Variants in DDX42 observed in about 807,000 individuals in gnomAD.
DDX42 encodes the protein DEAD-box helicase 42.
Under a neutral mutation model 101.5 loss-of-function variants are expected in DDX42, and 22 were observed. The observed-to-expected ratio is 0.22, with a 90% CI of 0.15 to 0.31. The LOEUF is 0.31. DDX42 is among the 10% of genes least tolerant of loss of function. DDX42 has a pLI of 1.00. For synonymous variants in DDX42, 402 were observed against 401.2 expected (o/e 1.00, Z -0.02); for missense variants, 849 against 1,199.9 (o/e 0.71, Z 4.32).
rs757385453 is a variant in DDX42, at chr17:63,818,229, G to A, written c.2648G>A (p.Gly883Glu). Reference sequence around the variant, plus strand: ...CGGGGTGCAAATGATGGTCGGAATGGGGAAAGCAGGAAAGAAGCTTTTAAT... The same window carrying A: ...CGGGGTGCAAATGATGGTCGGAATGAGGAAAGCAGGAAAGAAGCTTTTAAT... ...ENRGANDGRN[G>E]ESRKEAFNRE... Residue 883 changes from glycine (G) to glutamate (E), a missense_variant, in exon 18 of 18, where the codon GGG (glycine) becomes GAG (glutamate). By Grantham distance (98) the Gly-to-Glu change is moderately conservative (BLOSUM62 -2). Transcript: ENST00000389924. The A allele has an allele frequency of 1.9e-6, 3 of 1,614,050 alleles. No individual in the cohort carries two copies. The highest frequency in any genetic ancestry group is 2.2e-5 in the South Asian group (2 of 91,072).
chr17:63,777,054 G>A (rs1012195009), intron 1 of DDX42, among the ~76,000 whole-genome samples: 1 of 152,044 alleles, frequency 6.6e-6, no homozygotes, highest in African/African-American at 2.4e-5. Context: ...CTACAGGCGT[G>A]TGCCACCATG....
chr17:63,781,177 G>A (rs11079511), intron 1 of DDX42, among the ~76,000 whole-genome samples: 2 of 151,830 alleles, frequency 1.3e-5, no homozygotes, highest in African/African-American at 4.8e-5. Context: ...TGCTTTCACT[G>A]ATGACTCCTG....
At chr17:63,801,416 G>A (rs948778545) in intron 6 of DDX42, among the ~76,000 whole-genome samples, 2 of 152,038 alleles carry the variant, frequency 1.3e-5, no homozygotes, top group African/African-American at 4.8e-5. Context: ...TGTTGTTGTT[G>A]CTATATTGCC....
chr17:63,775,105 C>T (rs1444867324), intron 1 of DDX42: 3 of 152,632 alleles, frequency 2.0e-5, no homozygotes, highest in African/African-American at 4.8e-5. Context: ...TATACACACC[C>T]AGGACTTCCT....
At chr17:63,787,922 T>TTTTGAG (rs141481953) in intron 2 of DDX42, among the ~76,000 whole-genome samples, 1 of 144,068 alleles carries the variant, frequency 6.9e-6, no homozygotes, top group Admixed American at 6.9e-5. Flanking sequence ...TTTTTTTTTT[T>TTTTGAG]GGAGGCAGAG....
rs771010405 is a variant in DDX42, at chr17:63,813,287, A to G, written c.1735A>G (p.Ile579Val). ...TVINYDVARD[I>V]DTHTHRIGRT... ...CATTAACTATGATGTGGCACGAGAC[A>G]TTGATACCCACACGCATAGGATTGG... is the stretch of plus-strand genomic sequence containing the variant. The change falls in exon 15 of 18, where the codon ATT becomes GTT. Residue 579 changes from isoleucine (I) to valine (V), a missense_variant. Coordinates refer to ENST00000389924, the MANE Select transcript of DDX42 (RefSeq NM_203499.3). 1.2e-6 allele frequency: 2 copies of G among 1,614,086 alleles called. No individual in the cohort carries two copies. The highest frequency in any genetic ancestry group is 2.2e-5 in the East Asian group (1 of 44,880).
At chr17:63,792,217 TG>T (rs1567734296) in intron 2 of DDX42, among the ~76,000 whole-genome samples, 194 bp from the exon 3 acceptor site, 1 of 152,162 alleles carries the variant, frequency 6.6e-6, no homozygotes, top group Non-Finnish European at 1.5e-5. Context: ...ATTACTTTTT[TG>T]TAATATTGAA....
At chr17:63,810,251 A>ATTT (rs11450730) in intron 11 of DDX42, 1,298 of 120,922 alleles carry the variant, frequency 0.011, 15 homozygotes, top group South Asian at 0.032. Context: ...CAGCCTGGCT[A>ATTT]TTTTTTTTTT....
chr17:63,814,675 CTTTTT>C (rs58211962), intron 15 of DDX42, among the ~76,000 whole-genome samples: 2 of 90,456 alleles, frequency 2.2e-5, no homozygotes, highest in Non-Finnish European at 4.0e-5. Flanking sequence ...GAGACATTTG[CTTTTT>C]TTTTTTTTTT....
intron 6 of DDX42, 98 bp from the exon 7 acceptor site, chr17:63,804,973 A>C: frequency 2.1e-6 from 3 of 1,432,618 alleles, no homozygotes; most frequent in Non-Finnish European, 2.8e-6. Flanking sequence ...GAATGGCTTT[A>C]CTTGTGTAAA....
chr17:63,817,444 C>CT (rs1244685749), intron 17 of DDX42: 24 of 449,884 alleles, frequency 5.3e-5, no homozygotes, highest in African/African-American at 3.9e-4. Flanking sequence ...TACATAGATG[C>CT]TTTATTCTAG....
At chr17:63,807,978 C>G in intron 9 of DDX42, 78 bp downstream of exon 9, 1 of 1,415,572 alleles carries the variant, frequency 7.1e-7, no homozygotes, top group Non-Finnish European at 9.5e-7. Flanking sequence ...GTAGAATGAC[C>G]AGGAAACTTT....
intron 10 of DDX42, among the ~76,000 whole-genome samples, 189 bp from the exon 11 acceptor site, chr17:63,809,371 G>T (rs910086679): frequency 3.3e-5 from 5 of 152,188 alleles, no homozygotes; most frequent in Non-Finnish European, 7.3e-5. Flanking sequence ...TGTAAATGAA[G>T]ATGCCGATTG....
rs2015258232 is a variant in DDX42 at position 63,819,009 on chromosome 17, G to A, written c.*611G>A. 1 of 152,638 alleles carries A rather than the reference G, an allele frequency of 6.6e-6. No individual in the cohort carries two copies. The highest frequency in any genetic ancestry group is 2.4e-5 in the African/African-American group (1 of 41,434). 9.5% of individuals were successfully genotyped at this position (152,638 alleles called of 1,614,324 possible). A position where few individuals can be genotyped will look rare whatever the true frequency, so the allele number is the denominator to read the frequency against. Reference sequence around the variant, plus strand: ...TCTGAAGATTCCCAGAAGCCACAAGGATTGAAGGGAAAAGGTGATCCTGGT... The same window carrying A: ...TCTGAAGATTCCCAGAAGCCACAAGAATTGAAGGGAAAAGGTGATCCTGGT... On this transcript the variant is annotated 3_prime_UTR_variant, in exon 18 of 18. Transcript: ENST00000389924.
intron 6 of DDX42, 104 bp downstream of exon 6, chr17:63,800,721 C>A: frequency 7.3e-7 from 1 of 1,369,548 alleles, no homozygotes; most frequent in Non-Finnish European, 1.0e-6. Flanking sequence ...ACATCATGAG[C>A]GTATGCATCT....
chr17:63,818,604 G>A lies in DDX42; in HGVS notation c.*206G>A, dbSNP rs925780270. The A allele has an allele frequency of 3.5e-5, 19 of 544,232 alleles. No individual in the cohort carries two copies. Among genetic ancestry groups the A allele is most frequent in the Non-Finnish European group, 6.2e-5 (19 of 307,760 alleles). The allele number at this position is 544,232 out of a possible 1,614,324, so 33.7% of individuals were successfully genotyped here. A position where few individuals can be genotyped will look rare whatever the true frequency, so the allele number is the denominator to read the frequency against. ...CTGTTTTGGTCCTTGGAAGCAGTGA[G>A]AGCTGGGAAGCTTCTTTTGGCTCTA... is the stretch of plus-strand genomic sequence containing the variant. On this transcript the variant is annotated 3_prime_UTR_variant, in exon 18 of 18. Transcript: ENST00000389924.
chr17:63,814,935 C>T (rs1447278504), intron 15 of DDX42, among the ~76,000 whole-genome samples: 1 of 152,168 alleles, frequency 6.6e-6, no homozygotes, highest in Non-Finnish European at 1.5e-5. Flanking sequence ...GTGATCCGCC[C>T]ACCTCGGCCT....
In DDX42 at chr17:63,800,615, G is replaced by C; in HGVS notation, c.619G>C (p.Glu207Gln). Residue 207 changes from glutamate (E) to glutamine (Q), a missense_variant and splice_region_variant, in exon 6 of 18, where the codon GAG becomes CAG. By Grantham distance (29) the Glu-to-Gln change is conservative. Around this residue, in one of 5 missense-constraint regions of DDX42, gnomAD observed 370 missense variants for 608.8 expected, o/e 0.61. Coordinates refer to ENST00000389924, the MANE Select transcript of DDX42 (RefSeq NM_203499.3). ...TCCTCTTCCCCCCATTGATCATTCA[G>C]AGGTATGGTGTTTCTTGCTGAATTT... Reference protein sequence around the residue: ...IDPLPPIDHSEIDYPPFEKNF... With the variant: ...IDPLPPIDHSQIDYPPFEKNF... 1 of 1,612,124 alleles carries C rather than the reference G, an allele frequency of 6.2e-7. No homozygotes were observed. The highest frequency in any genetic ancestry group is 8.5e-7 in the Non-Finnish European group (1 of 1,179,414).
intron 7 of DDX42, chr17:63,805,904 G>A (rs1318476081): frequency 2.0e-5 from 3 of 152,210 alleles, no homozygotes; most frequent in African/African-American, 7.2e-5. Flanking sequence ...CTGAAATCCT[G>A]ATTGGAAATA....
Sources: allele counts gnomAD v4.1 joint callset (sites outside exome capture counted in the v4.1 genomes callset), GRCh38; gene constraint gnomAD v4.1.1; regional missense constraint gnomAD v4.1.1; transcripts MANE v1.5; gene names NCBI Gene and HGNC (gene_info 2026-07-23, HGNC 2026-07-21).